GPC5: variants seen among roughly 807,000 people sequenced by gnomAD.
The protein encoded by GPC5 is glypican-5.
GPC5 carries 47 observed loss-of-function variants against 53.9 expected under a neutral mutation model. That is an observed-to-expected ratio of 0.87 (90% confidence interval 0.69 to 1.11). The LOEUF (loss-of-function observed/expected upper bound fraction) is 1.11. Ranked by LOEUF, GPC5 falls within the 50% of genes most tolerant of loss-of-function variation. The pLI is 0.00. For synonymous variants in GPC5, 286 were observed against 263.3 expected (o/e 1.09, Z -0.84); for missense variants, 748 against 713.1 (o/e 1.05, Z -0.56).
chr13:92,256,652 G>A (rs2042728303), intron 7 of GPC5, among the ~76,000 whole-genome samples: 1 of 151,744 alleles, frequency 6.6e-6, no homozygotes, highest in Admixed American at 6.6e-5. Flanking sequence ...AGGAAGAGAT[G>A]TAATATTAAG....
chr13:92,863,783 G>A (rs1329831682), intron 7 of GPC5, among the ~76,000 whole-genome samples: 1 of 152,110 alleles, frequency 6.6e-6, no homozygotes, highest in Non-Finnish European at 1.5e-5. Context: ...GTGAGCCACT[G>A]CTCTCGGCCT....
chr13:91,757,569 A>T (rs1464002073), intron 5 of GPC5, among the ~76,000 whole-genome samples: 4 of 152,072 alleles, frequency 2.6e-5, no homozygotes, highest in African/African-American at 9.7e-5. Context: ...TGATGGTTTT[A>T]TACGGGGCTT....
intron 7 of GPC5, among the ~76,000 whole-genome samples, chr13:92,398,924 C>A (rs1354188957): frequency 2.0e-5 from 3 of 152,144 alleles, no homozygotes. Context: ...TCCATCCTAA[C>A]CTAGATCCTC....
At chr13:92,066,365 G>A (rs1377632990) in intron 6 of GPC5, among the ~76,000 whole-genome samples, 1 of 151,444 alleles carries the variant, frequency 6.6e-6, no homozygotes, top group Non-Finnish European at 1.5e-5. Flanking sequence ...GTGAAAATGG[G>A]GATATTAGGA....
At chr13:92,354,703 A>C (rs1926651) in intron 7 of GPC5, among the ~76,000 whole-genome samples, 13,629 of 152,286 alleles carry the variant, frequency 0.089, 720 homozygotes, top group Middle Eastern at 0.15. Flanking sequence ...TCAGAGAATC[A>C]TAACCGATGA....
intron 5 of GPC5, among the ~76,000 whole-genome samples, chr13:91,866,306 CA>C (rs1462676779): frequency 6.6e-6 from 1 of 152,186 alleles, no homozygotes; most frequent in Non-Finnish European, 1.5e-5. Context: ...GAAATTTAAA[CA>C]GTAAATTTCT....
At position 91,746,499 on chromosome 13, in the gene GPC5, GA is replaced by G. The variant is rs553297783; in HGVS notation, c.1155-9789del. Reference sequence around the variant, plus strand: ...AGTCTCTTCTGTGTTGTATTCAATGGAAAAAAAGAGGGGTGCAATATATGAC... The same window carrying G: ...AGTCTCTTCTGTGTTGTATTCAATGGAAAAAAGAGGGGTGCAATATATGAC... On this transcript the variant is annotated intron_variant, in intron 4 of 7. Coordinates refer to ENST00000377067, the MANE Select transcript of GPC5 (RefSeq NM_004466.6). Among the ~76,000 whole-genome samples the G allele has an allele frequency of 7.7e-3, 1,164 of 152,094 alleles. 6 individuals are homozygous for G. Among genetic ancestry groups the G allele is most frequent in the South Asian group, 0.011 (52 of 4,812 alleles).
intron 2 of GPC5, among the ~76,000 whole-genome samples, chr13:91,616,791 T>C (rs2033708036): frequency 6.6e-6 from 1 of 152,152 alleles, no homozygotes; most frequent in African/African-American, 2.4e-5. Flanking sequence ...AGTATTATGA[T>C]TGGATTAATT....
chr13:92,787,554 A>C (rs1028696554), intron 7 of GPC5, among the ~76,000 whole-genome samples: 4 of 151,214 alleles, frequency 2.6e-5, no homozygotes, highest in Non-Finnish European at 5.9e-5. Flanking sequence ...AAGATGGGTT[A>C]GGTGCAGTGA....
At chr13:91,832,335 G>A (rs1286000728) in intron 5 of GPC5, among the ~76,000 whole-genome samples, 13 of 139,624 alleles carry the variant, frequency 9.3e-5, no homozygotes, top group African/African-American at 3.5e-4. Flanking sequence ...CATTTACTTG[G>A]TAAATATTCC....
intron 5 of GPC5, among the ~76,000 whole-genome samples, chr13:91,876,345 G>A (rs1287744788): frequency 6.6e-6 from 1 of 152,192 alleles, no homozygotes; most frequent in Non-Finnish European, 1.5e-5. Context: ...ACAGGAAAAT[G>A]TGGGAAAGTT....
chr13:91,904,662 A>G (rs2039534615), intron 5 of GPC5, among the ~76,000 whole-genome samples: 1 of 152,020 alleles, frequency 6.6e-6, no homozygotes, highest in Non-Finnish European at 1.5e-5. Context: ...AGGTCCTCCA[A>G]GAGGTAGATG....
intron 7 of GPC5, among the ~76,000 whole-genome samples, chr13:92,210,838 C>T (rs987939781): frequency 6.6e-6 from 1 of 152,094 alleles, no homozygotes; most frequent in African/African-American, 2.4e-5. Flanking sequence ...GACTAAAAAA[C>T]AGGTGTGTGT....
In GPC5 at chr13:92,144,945, G is replaced by GA; in HGVS notation, c.1518dup (p.Ser507IlefsTer19). 1 of 1,578,506 alleles carries GA rather than the reference G, an allele frequency of 6.3e-7. No individual in the cohort carries two copies. Among genetic ancestry groups the GA allele is most frequent in the Non-Finnish European group, 8.6e-7 (1 of 1,165,594 alleles). Reference sequence around the variant, plus strand: ...TGTGATGATGAAGATGGTTGCGGGGGATCAGGAAGTGGAGAAGTCAAGAGG... The same window carrying GA: ...TGTGATGATGAAGATGGTTGCGGGGGAATCAGGAAGTGGAGAAGTCAAGAGG... On this transcript the variant is annotated frameshift_variant, in exon 7 of 8. Coordinates refer to ENST00000377067, the MANE Select transcript of GPC5 (RefSeq NM_004466.6). LOFTEE classifies it low-confidence loss of function (END_TRUNC).
intron 6 of GPC5, among the ~76,000 whole-genome samples, chr13:92,042,689 G>T (rs2040951023): frequency 6.6e-6 from 1 of 152,164 alleles, no homozygotes; most frequent in African/African-American, 2.4e-5. Flanking sequence ...ACAATTATGA[G>T]ATATGCGAAA....
At chr13:91,639,932 C>A (rs2034381790) in intron 2 of GPC5, among the ~76,000 whole-genome samples, 1 of 151,996 alleles carries the variant, frequency 6.6e-6, no homozygotes, top group African/African-American at 2.4e-5. Flanking sequence ...AGGAATTAAA[C>A]CTAAGTCCTT....
chr13:91,742,876 C>T (rs185125056), intron 4 of GPC5, among the ~76,000 whole-genome samples: 3 of 152,216 alleles, frequency 2.0e-5, no homozygotes, highest in African/African-American at 7.2e-5. Flanking sequence ...AATCTCTCCA[C>T]ATTTCTAACT....
chr13:92,353,882 G>T (rs2043500975), intron 7 of GPC5, among the ~76,000 whole-genome samples: 1 of 152,082 alleles, frequency 6.6e-6, no homozygotes, highest in African/African-American at 2.4e-5. Flanking sequence ...TATAGAACAT[G>T]AATTAATTAA....
intron 7 of GPC5, among the ~76,000 whole-genome samples, chr13:92,714,763 A>C (rs1888268438): frequency 6.6e-6 from 1 of 152,188 alleles, no homozygotes; most frequent in Non-Finnish European, 1.5e-5. Flanking sequence ...TTGGCCAAAC[A>C]ACATAATAAA....
Sources: allele counts gnomAD v4.1 joint callset (sites outside exome capture counted in the v4.1 genomes callset), GRCh38; gene constraint gnomAD v4.1.1; transcripts MANE v1.5; gene names NCBI Gene and HGNC (gene_info 2026-07-23, HGNC 2026-07-21).